NEDD4: variants seen among roughly 807,000 people sequenced by gnomAD.
The protein encoded by NEDD4 is NEDD4 E3 ubiquitin protein ligase.
NEDD4 carries 99 observed loss-of-function variants against 144.9 expected under a neutral mutation model. The observed-to-expected ratio is 0.68, with a 90% CI of 0.58 to 0.81. The LOEUF (loss-of-function observed/expected upper bound fraction) is 0.81, where lower values mean the gene tolerates loss of function less well. Among genes scored for constraint, NEDD4 ranks in the 30% least tolerant of loss-of-function variants. NEDD4 has a pLI of 0.00. For missense variants in NEDD4, 985 were observed against 1,065.9 expected (o/e 0.92, Z 1.06); for synonymous variants, 318 against 350.6 (o/e 0.91, Z 1.04).
chr15:55,976,031 A>C (rs2037694088), intron 1 of NEDD4, among the ~76,000 whole-genome samples: 1 of 152,214 alleles, frequency 6.6e-6, no homozygotes. Flanking sequence ...CAATGGGGAA[A>C]GGACAGTCTA....
intron 5 of NEDD4, among the ~76,000 whole-genome samples, chr15:55,901,412 T>G (rs1321764526): frequency 2.0e-5 from 3 of 152,180 alleles, no homozygotes; most frequent in South Asian, 2.1e-4. Flanking sequence ...GCTAATTATT[T>G]ACTCCTGTTA....
chr15:55,979,394 C>T (rs533448640), intron 1 of NEDD4, among the ~76,000 whole-genome samples: 4 of 128,756 alleles, frequency 3.1e-5, no homozygotes, highest in South Asian at 2.5e-4. Flanking sequence ...TCGCCCAGGC[C>T]GGACTGCGGA....
intron 5 of NEDD4, among the ~76,000 whole-genome samples, chr15:55,884,714 T>C (rs1306237765): frequency 6.6e-6 from 1 of 151,960 alleles, no homozygotes; most frequent in Non-Finnish European, 1.5e-5. Flanking sequence ...GAAGAAAGAA[T>C]AGTGAATTTT....
At chr15:55,978,928 A>G (rs965800916) in intron 1 of NEDD4, among the ~76,000 whole-genome samples, 1 of 151,376 alleles carries the variant, frequency 6.6e-6, no homozygotes, top group South Asian at 2.1e-4. Flanking sequence ...AACGCAAAAA[A>G]AAAAAAAAAA....
At chr15:55,952,958 C>A (rs1287026399) in intron 2 of NEDD4, among the ~76,000 whole-genome samples, 1 of 151,728 alleles carries the variant, frequency 6.6e-6, no homozygotes, top group South Asian at 2.1e-4. Context: ...TGCCAGACAC[C>A]ACTGTAATCA....
At chr15:55,882,762 G>C (rs967352115) in intron 5 of NEDD4, among the ~76,000 whole-genome samples, 15 of 152,158 alleles carry the variant, frequency 9.9e-5, no homozygotes, top group African/African-American at 3.6e-4. Context: ...AGCTCTGAAA[G>C]AAACTCCTTC....
At chr15:55,880,705 G>A (rs1465872845) in intron 5 of NEDD4, among the ~76,000 whole-genome samples, 7 of 152,226 alleles carry the variant, frequency 4.6e-5, no homozygotes, top group African/African-American at 1.7e-4. Flanking sequence ...AAGTCTCAGA[G>A]TAACAGTTAT....
rs367702107 is a variant in NEDD4, at chr15:55,834,307, A to G, written c.2263-21T>C. 2.6e-6 allele frequency: 4 copies of G among 1,538,798 alleles called. No homozygotes were observed. The African/African-American group carries it at 4.1e-5, about 16-fold the overall frequency. ...AATCCCTAGAAAAAAGATGTATTTA[A>G]AAACTTGATGGGCAGGGCCAATGGC... On this transcript the variant is annotated intron_variant, in intron 24 of 28. Coordinates refer to ENST00000435532, the MANE Select transcript of NEDD4 (RefSeq NM_006154.4).
chr15:55,953,775 C>A (rs2037288044), intron 2 of NEDD4, among the ~76,000 whole-genome samples: 1 of 152,200 alleles, frequency 6.6e-6, no homozygotes, highest in African/African-American at 2.4e-5. Context: ...GGCTGGAGTG[C>A]AATGGCACGA....
At chr15:55,900,081 T>A (rs866025153) in intron 5 of NEDD4, among the ~76,000 whole-genome samples, 5 of 151,994 alleles carry the variant, frequency 3.3e-5, no homozygotes, top group South Asian at 2.1e-4. Flanking sequence ...TTTTTTTTTT[T>A]AAACTAGTTT....
At chr15:55,981,328 G>C (rs1255496583) in intron 1 of NEDD4, among the ~76,000 whole-genome samples, 1 of 151,898 alleles carries the variant, frequency 6.6e-6, no homozygotes, top group African/African-American at 2.4e-5. Flanking sequence ...GCCTCCCAAA[G>C]TGCTGGGATT....
intron 21 of NEDD4, 48 bp from the exon 22 acceptor site, chr15:55,838,652 T>C: frequency 7.7e-7 from 1 of 1,300,092 alleles, no homozygotes. Flanking sequence ...ATAACACACC[T>C]GAAATTGCAA....
intron 1 of NEDD4, among the ~76,000 whole-genome samples, chr15:55,986,348 T>C (rs1306854588): frequency 4.6e-5 from 7 of 152,080 alleles, no homozygotes; most frequent in African/African-American, 1.4e-4. Flanking sequence ...AAAGGTGACA[T>C]TACAGAGAAG....
chr15:55,991,418 T>C (rs1460055916), intron 1 of NEDD4, among the ~76,000 whole-genome samples: 2 of 152,240 alleles, frequency 1.3e-5, no homozygotes, highest in East Asian at 1.9e-4. Flanking sequence ...ACTTTTATCT[T>C]TCCCTCAGTC....
At chr15:55,873,885 A>G in intron 6 of NEDD4, 73 bp downstream of exon 6, 1 of 639,332 alleles carries the variant, frequency 1.6e-6, no homozygotes, top group Non-Finnish European at 2.6e-6. Flanking sequence ...TACAGTAGCT[A>G]TATTATATAT....
intron 5 of NEDD4, among the ~76,000 whole-genome samples, chr15:55,908,013 C>T (rs537169232): frequency 2.6e-5 from 4 of 152,206 alleles, no homozygotes; most frequent in East Asian, 1.9e-4. Flanking sequence ...TTAAGAGTGC[C>T]ACTCTTCCAC....
intron 12 of NEDD4, among the ~76,000 whole-genome samples, chr15:55,853,791 C>T (rs1383768080): frequency 6.6e-6 from 1 of 152,126 alleles, no homozygotes; most frequent in East Asian, 1.9e-4. Context: ...GAAGTCGAGG[C>T]CAGCCTGGCC....
intron 5 of NEDD4, among the ~76,000 whole-genome samples, chr15:55,922,392 C>A (rs116492893): frequency 0.018 from 2,773 of 152,112 alleles, 72 homozygotes; most frequent in African/African-American, 0.064. Flanking sequence ...GACAGAGTTT[C>A]GCTCTTGTCA....
chr15:55,944,389 C>T (rs995584141), intron 4 of NEDD4, among the ~76,000 whole-genome samples: 7 of 152,174 alleles, frequency 4.6e-5, no homozygotes, highest in Admixed American at 2.6e-4. Flanking sequence ...TCACTGCTAG[C>T]GCAGCAGTCT....
Sources: allele counts gnomAD v4.1 joint callset (sites outside exome capture counted in the v4.1 genomes callset), GRCh38; gene constraint gnomAD v4.1.1; transcripts MANE v1.5; gene names NCBI Gene and HGNC (gene_info 2026-07-23, HGNC 2026-07-21).